DCDC2C: variants seen among roughly 807,000 people sequenced by gnomAD.
DCDC2C encodes doublecortin domain-containing protein 2C.
DCDC2C carries 44 observed loss-of-function variants against 45.0 expected under a neutral mutation model. The observed-to-expected ratio is 0.98, with a 90% CI of 0.77 to 1.26. The LOEUF (loss-of-function observed/expected upper bound fraction) is 1.26, where lower values mean the gene tolerates loss of function less well. DCDC2C is among the 50% of genes most tolerant of loss of function. DCDC2C has a pLI of 0.00. For missense variants in DCDC2C, 447 were observed against 468.9 expected (o/e 0.95, Z 0.43); for synonymous variants, 187 against 178.8 (o/e 1.05, Z -0.37).
chr2:3,784,453 T>C (rs1463724417), intron 9 of DCDC2C, among the ~76,000 whole-genome samples: 1 of 152,118 alleles, frequency 6.6e-6, no homozygotes, highest in Non-Finnish European at 1.5e-5. Flanking sequence ...ATATTTGTTA[T>C]ATTAAGATTC....
chr2:3,727,802 TGAGG>T (rs1668739266), intron 3 of DCDC2C, among the ~76,000 whole-genome samples: 1 of 152,222 alleles, frequency 6.6e-6, no homozygotes, highest in African/African-American at 2.4e-5. Flanking sequence ...GCTCTGAGGC[TGAGG>T]ATGTCTCCCA....
intron 10 of DCDC2C, among the ~76,000 whole-genome samples, chr2:3,813,167 G>T (rs1298657807): frequency 6.6e-6 from 1 of 151,246 alleles, no homozygotes; most frequent in Admixed American, 6.6e-5. Context: ...CACCTCTCGG[G>T]TTCAAGCGAT....
At chr2:3,728,948 T>C (rs1209663405) in intron 3 of DCDC2C, among the ~76,000 whole-genome samples, 1 of 152,150 alleles carries the variant, frequency 6.6e-6, no homozygotes, top group South Asian at 2.1e-4. Context: ...ATTTGGAGGT[T>C]GAGGCTCAGA....
chr2:3,748,395 A>C, intron 4 of DCDC2C, among the ~76,000 whole-genome samples: 1 of 137,796 alleles, frequency 7.3e-6, no homozygotes. Flanking sequence ...GGGGGAGGTG[A>C]TGCGGGAGGG....
intron 6 of DCDC2C, among the ~76,000 whole-genome samples, chr2:3,762,407 A>G (rs1450555562): frequency 6.6e-6 from 1 of 152,134 alleles, no homozygotes; most frequent in Non-Finnish European, 1.5e-5. Context: ...ACACTGCTAT[A>G]AAGAAATATA....
At chr2:3,737,022 G>C (rs577656012) in intron 3 of DCDC2C, among the ~76,000 whole-genome samples, 40 of 152,286 alleles carry the variant, frequency 2.6e-4, no homozygotes, top group African/African-American at 9.4e-4. Flanking sequence ...GGCCAAAAGA[G>C]AGTAAGACCT....
chr2:3,808,030 G>A (rs1291993849), intron 10 of DCDC2C, among the ~76,000 whole-genome samples: 1 of 152,180 alleles, frequency 6.6e-6, no homozygotes, highest in Non-Finnish European at 1.5e-5. Context: ...TAAAGGTTGT[G>A]TAATACCTAA....
chr2:3,768,949 C>T (rs115796523), intron 7 of DCDC2C: 142 of 179,190 alleles, frequency 7.9e-4, no homozygotes, highest in Non-Finnish European at 1.3e-3. Context: ...TTATTTCTAA[C>T]GGAATTAACT....
intron 2 of DCDC2C, among the ~76,000 whole-genome samples, chr2:3,725,520 C>CTGGAGGGAGACGAG (rs1406477268): frequency 1.2e-5 from 1 of 85,154 alleles, no homozygotes. Context: ...CCGGTGGATC[C>CTGGAGGGAGACGAG]CAGAGGAAGA....
intron 10 of DCDC2C, among the ~76,000 whole-genome samples, chr2:3,792,677 A>T (rs1339954831): frequency 2.0e-5 from 3 of 152,216 alleles, no homozygotes; most frequent in Non-Finnish European, 4.4e-5. Flanking sequence ...GGAAGGCTTA[A>T]TGAGAAATCC....
chr2:3,755,358 T>A (rs1669665827), intron 6 of DCDC2C, among the ~76,000 whole-genome samples: 1 of 152,178 alleles, frequency 6.6e-6, no homozygotes. Flanking sequence ...TATGTGTGTA[T>A]GCATGTGTGT....
chr2:3,719,867 G>A (rs1368561677), intron 2 of DCDC2C, among the ~76,000 whole-genome samples: 4 of 152,226 alleles, frequency 2.6e-5, no homozygotes, highest in Admixed American at 1.3e-4. Flanking sequence ...AATCAGAGGC[G>A]AGGCTCCAGA....
At chr2:3,841,526 C>T (rs1269441486) in intron 10 of DCDC2C, among the ~76,000 whole-genome samples, 1 of 146,934 alleles carries the variant, frequency 6.8e-6, no homozygotes, top group African/African-American at 2.6e-5. Context: ...GACTAGCAGA[C>T]TGCTGGTTCA....
intron 4 of DCDC2C, among the ~76,000 whole-genome samples, chr2:3,749,003 G>A (rs1394287951): frequency 6.6e-6 from 1 of 152,030 alleles, no homozygotes; most frequent in Non-Finnish European, 1.5e-5. Context: ...ATCACCACAT[G>A]GTCTTGAAAA....
chr2:3,843,447 G>T (rs1023560922), intron 10 of DCDC2C, among the ~76,000 whole-genome samples: 1 of 152,184 alleles, frequency 6.6e-6, no homozygotes, highest in African/African-American at 2.4e-5. Context: ...AAGGCTTCTC[G>T]CTGAAGACCT....
intron 3 of DCDC2C, among the ~76,000 whole-genome samples, chr2:3,729,981 T>C (rs958211960): frequency 1.3e-5 from 2 of 152,116 alleles, no homozygotes; most frequent in Non-Finnish European, 2.9e-5. Context: ...GACAAGCAGA[T>C]CTATTCCTTG....
chr2:3,838,941 T>G (rs11684847), intron 10 of DCDC2C, among the ~76,000 whole-genome samples: 2,091 of 152,312 alleles, frequency 0.014, 46 homozygotes, highest in African/African-American at 0.047. Context: ...TATTTCTGTT[T>G]TTTGGTTTTG....
chr2:3,750,958 C>G (rs916178130), intron 4 of DCDC2C, among the ~76,000 whole-genome samples: 1 of 152,164 alleles, frequency 6.6e-6, no homozygotes, highest in African/African-American at 2.4e-5. Flanking sequence ...GTTTTACCTC[C>G]AAACAGCAGC....
intron 10 of DCDC2C, among the ~76,000 whole-genome samples, chr2:3,800,174 C>T (rs1174054876): frequency 2.6e-5 from 4 of 152,214 alleles, no homozygotes; most frequent in African/African-American, 9.6e-5. Flanking sequence ...GGAAAGGGAA[C>T]TCCCTGACCC....
Sources: allele counts gnomAD v4.1 joint callset (sites outside exome capture counted in the v4.1 genomes callset), GRCh38; gene constraint gnomAD v4.1.1; transcripts MANE v1.5; gene names NCBI Gene and HGNC (gene_info 2026-07-23, HGNC 2026-07-21).